SLC17A8: variants seen among roughly 807,000 people sequenced by gnomAD.
SLC17A8 encodes solute carrier family 17 member 8.
Under a neutral mutation model 58.0 loss-of-function variants are expected in SLC17A8, and 31 were observed. That is an observed-to-expected ratio of 0.53 (90% CI 0.40 to 0.72). The LOEUF (loss-of-function observed/expected upper bound fraction) is 0.72. Among genes scored for constraint, SLC17A8 ranks in the 30% least tolerant of loss-of-function variants. The probability of loss-of-function intolerance (pLI) is 0.00; values close to 1 mark genes in which losing one functional copy is unlikely to be tolerated. For missense variants in SLC17A8, 655 were observed against 727.8 expected (o/e 0.90, Z 1.15); for synonymous variants, 228 against 249.0 (o/e 0.92, Z 0.79).
intron 4 of SLC17A8, among the ~76,000 whole-genome samples, chr12:100,395,097 G>A (rs1952743751): frequency 6.6e-6 from 1 of 151,682 alleles, no homozygotes; most frequent in Non-Finnish European, 1.5e-5. Context: ...TGAGTGGATG[G>A]ACCAACTGAT....
At chr12:100,366,590 G>T (rs1009670574) in intron 1 of SLC17A8, among the ~76,000 whole-genome samples, 2 of 152,150 alleles carry the variant, frequency 1.3e-5, no homozygotes, top group African/African-American at 2.4e-5. Flanking sequence ...TTTGGGGAAG[G>T]ACTGTGGGCA....
At chr12:100,369,257 C>T (rs1241346797) in intron 1 of SLC17A8, among the ~76,000 whole-genome samples, 1 of 152,128 alleles carries the variant, frequency 6.6e-6, no homozygotes, top group African/African-American at 2.4e-5. Flanking sequence ...GCCTGGGCAA[C>T]AGAGCAAGAC....
chr12:100,389,298 C>CA (rs1952697009), intron 2 of SLC17A8, among the ~76,000 whole-genome samples: 1 of 152,126 alleles, frequency 6.6e-6, no homozygotes, highest in Non-Finnish European at 1.5e-5. Context: ...CTGTTACATG[C>CA]AAAATCTCTA....
chr12:100,381,640 A>G (rs1196505909), intron 2 of SLC17A8, among the ~76,000 whole-genome samples: 1 of 152,218 alleles, frequency 6.6e-6, no homozygotes, highest in East Asian at 1.9e-4. Context: ...ACAGGAGCTC[A>G]TCATCTTTTC....
chr12:100,357,524 C>A, intron 1 of SLC17A8, 32 bp downstream of exon 1: 1 of 1,399,746 alleles, frequency 7.1e-7, no homozygotes, highest in Non-Finnish European at 1.0e-6. Flanking sequence ...TAGTTCCTTT[C>A]TGAGTAGCTT....
At chr12:100,408,415 A>T (rs1368173180) in intron 9 of SLC17A8, among the ~76,000 whole-genome samples, 1 of 152,220 alleles carries the variant, frequency 6.6e-6, no homozygotes, top group Non-Finnish European at 1.5e-5. Context: ...TGTGAACTTC[A>T]GATTATTTTA....
intron 1 of SLC17A8, among the ~76,000 whole-genome samples, chr12:100,375,601 G>T (rs565877331): frequency 3.3e-5 from 5 of 152,272 alleles, no homozygotes; most frequent in Admixed American, 3.3e-4. Flanking sequence ...CACAGCAGCT[G>T]GGGCTGTCTG....
At chr12:100,418,180 G>T (rs772762588) in intron 11 of SLC17A8, 24 bp downstream of exon 11, 3 of 1,572,378 alleles carry the variant, frequency 1.9e-6, no homozygotes, top group Middle Eastern at 1.7e-4. Context: ...TTGTGGCTAT[G>T]GGTTACAATA....
chr12:100,397,389 TC>T, intron 5 of SLC17A8, among the ~76,000 whole-genome samples: 1 of 152,282 alleles, frequency 6.6e-6, no homozygotes, highest in South Asian at 2.1e-4. Context: ...TGTCATTATA[TC>T]CCAGATAATA....
chr12:100,409,913 C>A (rs903580537), intron 9 of SLC17A8, among the ~76,000 whole-genome samples: 2 of 152,168 alleles, frequency 1.3e-5, no homozygotes, highest in Non-Finnish European at 2.9e-5. Context: ...GAAACTGGAA[C>A]AGCAGGAGGT....
chr12:100,373,984 C>T (rs2135978743), intron 1 of SLC17A8, among the ~76,000 whole-genome samples: 1 of 152,208 alleles, frequency 6.6e-6, no homozygotes, highest in Non-Finnish European at 1.5e-5. Flanking sequence ...GTATAAAATG[C>T]CAAGGAAACA....
chr12:100,413,005 C>T (rs148452270), intron 10 of SLC17A8, 125 bp downstream of exon 10: 46 of 793,028 alleles, frequency 5.8e-5, no homozygotes, highest in African/African-American at 3.5e-4. Flanking sequence ...GCAGGACCAC[C>T]GTCCAGAGAA....
intron 2 of SLC17A8, among the ~76,000 whole-genome samples, chr12:100,385,074 T>C (rs1466501840): frequency 6.6e-6 from 1 of 151,596 alleles, no homozygotes; most frequent in Non-Finnish European, 1.5e-5. Context: ...ATTGTCTAAC[T>C]AGAATCTCTG....
Position 100,415,346 on chromosome 12 carries a change from G to A in SLC17A8, c.1297+2466G>A, listed in dbSNP as rs1286035262. 2.7e-5 allele frequency among the ~76,000 whole-genome samples: 4 copies of A among 150,620 alleles called. No homozygotes were observed. In the East Asian group the frequency reaches 8.0e-4, roughly 30 times the overall value. ...TTGGTTGTGGTGGTATGTGCCTGTAGTCCCAGCTACTGGGGAGGCTGAGGT... is the reference window on the plus strand; with the variant it reads ...TTGGTTGTGGTGGTATGTGCCTGTAATCCCAGCTACTGGGGAGGCTGAGGT... On this transcript the variant is annotated intron_variant, in intron 10 of 11. Coordinates refer to ENST00000323346, the MANE Select transcript of SLC17A8 (RefSeq NM_139319.3).
In SLC17A8 at chr12:100,401,806, C is replaced by A. The variant is rs772146523; in HGVS notation, c.706C>A (p.Pro236Thr). Residue 236 changes from proline (P) to threonine (T), a missense_variant, in exon 6 of 12, where the codon CCC (proline) becomes ACC (threonine). Pro to Thr is a conservative substitution (Grantham distance 38, BLOSUM62 -1). Transcript: ENST00000323346. ...GSYAGAVVAM[P>T]LAGVLVQYIG... Reference sequence around the variant, plus strand: ...CTATGCAGGGGCAGTGGTTGCCATGCCCCTGGCTGGGGTGTTGGTGCAGTA... The same window carrying A: ...CTATGCAGGGGCAGTGGTTGCCATGACCCTGGCTGGGGTGTTGGTGCAGTA... 1.2e-6 allele frequency: 2 copies of A among 1,613,874 alleles called. No homozygotes were observed. Among genetic ancestry groups the A allele is most frequent in the East Asian group, 2.2e-5 (1 of 44,884 alleles).
At chr12:100,374,540 A>T (rs1460968198) in intron 1 of SLC17A8, among the ~76,000 whole-genome samples, 1 of 152,208 alleles carries the variant, frequency 6.6e-6, no homozygotes, top group East Asian at 1.9e-4. Flanking sequence ...TGAACCTGGG[A>T]GGCGGAAGTT....
chr12:100,396,026 G>A lies in SLC17A8; in HGVS notation c.589-304G>A, dbSNP rs374054704. Among the ~76,000 whole-genome samples, 9 of 152,308 alleles carry A rather than the reference G, an allele frequency of 5.9e-5. No homozygotes were observed. The East Asian group carries it at 1.2e-3, about 20-fold the overall frequency. ...GTTCATAAACAACTACCTTCTCTTT[G>A]TCTGCCCATGGCAGAACGGATGAGG... is the stretch of plus-strand genomic sequence containing the variant. On this transcript the variant is annotated intron_variant, in intron 4 of 11. Coordinates refer to ENST00000323346, the MANE Select transcript of SLC17A8 (RefSeq NM_139319.3).
chr12:100,380,206 C>CAAAAAA lies in SLC17A8; in HGVS notation c.102-485_102-480dup, dbSNP rs10691046. On this transcript the variant is annotated intron_variant, in intron 1 of 11. Transcript: ENST00000323346. ...GGGCAACAAAAGCAAAACTCCGTCT[C>CAAAAAA]AAAAAAAAAAAAAAAGACTTAGAAA... is the stretch of plus-strand genomic sequence containing the variant. 2.5e-4 allele frequency among the ~76,000 whole-genome samples: 30 copies of CAAAAAA among 120,058 alleles called. 1 individual carries two copies. Among genetic ancestry groups the CAAAAAA allele is most frequent in the East Asian group, 9.7e-4 (4 of 4,142 alleles). 78.8% of individuals were successfully genotyped at this position (120,058 alleles called of 152,430 possible).
chr12:100,370,233 T>G (rs1226174741), intron 1 of SLC17A8, among the ~76,000 whole-genome samples: 1 of 151,576 alleles, frequency 6.6e-6, no homozygotes, highest in Non-Finnish European at 1.5e-5. Context: ...GGATTACAGG[T>G]GTGAGCCACT....
Sources: gnomAD v4.1 joint callset for allele counts (sites outside exome capture counted in the v4.1 genomes callset) on GRCh38, gnomAD v4.1.1 for gene constraint, MANE v1.5 for transcripts, NCBI Gene and HGNC (gene_info 2026-07-23, HGNC 2026-07-21) for gene names.